The following TMEM165 variants were observed in gnomAD, a reference collection of about 807,000 sequenced individuals.
The protein encoded by TMEM165 is putative divalent cation/proton antiporter TMEM165.
TMEM165 carries 19 observed loss-of-function variants against 30.0 expected under a neutral mutation model. The observed-to-expected ratio is 0.63, with a 90% CI of 0.44 to 0.93. The LOEUF (loss-of-function observed/expected upper bound fraction) is 0.93. Among genes scored for constraint, TMEM165 ranks in the 40% least tolerant of loss-of-function variants. The pLI is 0.00. For synonymous variants in TMEM165, 168 were observed against 162.9 expected, an observed-to-expected ratio of 1.03 and a Z score of -0.24; for missense variants, 340 against 417.0, an observed-to-expected ratio of 0.82 and a Z score of 1.61.
In TMEM165 at chr4:55,397,186, C is replaced by G. The variant is rs1157260612; in HGVS notation, c.207+790C>G. 2.6e-5 allele frequency: 4 copies of G among 152,200 alleles called. No homozygotes were observed. In the East Asian group the frequency reaches 7.7e-4, roughly 29 times the overall value. The allele number at this position is 152,200 out of a possible 1,614,324, so 9.4% of individuals were successfully genotyped here. A position where few individuals can be genotyped will look rare whatever the true frequency, so the allele number is the denominator to read the frequency against. On this transcript the variant is annotated intron_variant, in intron 1 of 5. Transcript: ENST00000381334. ...CCGGCCAGTGTGGCACTCAAACCCC[C>G]ACTCCCACCCAGGCCACATCCAGCC...
At chr4:55,410,902 G>A (rs1489286297) in intron 1 of TMEM165, among the ~76,000 whole-genome samples, 1 of 152,160 alleles carries the variant, frequency 6.6e-6, no homozygotes, top group Non-Finnish European at 1.5e-5. Flanking sequence ...GGAGGCTGAG[G>A]TGGGTGGATC....
chr4:55,400,314 AAT>A (rs1491566558), intron 1 of TMEM165, among the ~76,000 whole-genome samples: 9 of 44,336 alleles, frequency 2.0e-4, no homozygotes, highest in Non-Finnish European at 2.2e-4. Context: ...ATATAATATT[AAT>A]ACTGTATTAT....
chr4:55,439,293 A>C (rs989392343), intron 3 of TMEM165, among the ~76,000 whole-genome samples: 2 of 152,206 alleles, frequency 1.3e-5, no homozygotes. Flanking sequence ...AGGGAAATAC[A>C]AATCAAAACC....
chr4:55,411,134 CAA>C (rs575523700), intron 1 of TMEM165, among the ~76,000 whole-genome samples: 43 of 65,822 alleles, frequency 6.5e-4, no homozygotes, highest in Admixed American at 1.0e-3. Flanking sequence ...GATTTTGTCT[CAA>C]AAAAAAAAAA....
At chr4:55,422,484 C>G (rs1021304464) in intron 4 of TMEM165, among the ~76,000 whole-genome samples, 8 of 152,064 alleles carry the variant, frequency 5.3e-5, no homozygotes, top group African/African-American at 1.7e-4. Context: ...TCTCAAACTC[C>G]CAACCTCAGG....
chr4:55,402,905 C>T (rs1001515681), intron 1 of TMEM165, among the ~76,000 whole-genome samples: 4 of 147,800 alleles, frequency 2.7e-5, no homozygotes, highest in African/African-American at 5.0e-5. Flanking sequence ...CATTCTCCTG[C>T]GTCAGCCTCC....
At chr4:55,417,506 A>G (rs1259321392) in intron 3 of TMEM165, among the ~76,000 whole-genome samples, 1 of 152,180 alleles carries the variant, frequency 6.6e-6, no homozygotes, top group Non-Finnish European at 1.5e-5. Flanking sequence ...GCTCCTGAAA[A>G]GCAGGAACTG....
intron 1 of TMEM165, among the ~76,000 whole-genome samples, chr4:55,410,581 A>T (rs968394504): frequency 6.6e-6 from 1 of 152,142 alleles, no homozygotes; most frequent in African/African-American, 2.4e-5. Flanking sequence ...TTTACCTTCT[A>T]AGATATTTTT....
chr4:55,398,777 A>G (rs1720833328), intron 1 of TMEM165: 1 of 151,214 alleles, frequency 6.6e-6, no homozygotes, highest in Non-Finnish European at 1.5e-5. Flanking sequence ...TTATTAACTA[A>G]TTTTCTAAGA....
intron 1 of TMEM165, among the ~76,000 whole-genome samples, chr4:55,405,802 A>T (rs532854288): frequency 1.3e-5 from 2 of 152,244 alleles, no homozygotes; most frequent in East Asian, 3.9e-4. Context: ...CAGTGCCTTG[A>T]TGGTGTTTAT....
Position 55,417,137 on chromosome 4 carries a change from T to G in TMEM165, c.499T>G (p.Phe167Val). The G allele has an allele frequency of 6.2e-7, 1 of 1,614,152 alleles. No homozygotes were observed. Among genetic ancestry groups the G allele is most frequent in the Non-Finnish European group, 8.5e-7 (1 of 1,180,022 alleles). ...TACATACTATGTTTCAACTGTATTA[T>G]TTGCCATTTTTGGCATTAGAATGCT... Reference protein sequence around the residue: ...VYTYYVSTVLFAIFGIRMLRE... With the variant: ...VYTYYVSTVLVAIFGIRMLRE... The change falls in exon 3 of 6, where the codon TTT (phenylalanine) becomes GTT (valine). Residue 167 changes from phenylalanine to valine, a missense_variant. Coordinates refer to ENST00000381334, the MANE Select transcript of TMEM165 (RefSeq NM_018475.5).
chr4:55,435,793 G>A (rs955970715), intron 3 of TMEM165, among the ~76,000 whole-genome samples: 2 of 152,194 alleles, frequency 1.3e-5, no homozygotes, highest in Non-Finnish European at 2.9e-5. Context: ...GTATGAGAGA[G>A]TTTCATTTTT....
At chr4:55,443,475 C>CA (rs36064611) in intron 3 of TMEM165, among the ~76,000 whole-genome samples, 30,038 of 119,710 alleles carry the variant, frequency 0.25, 3,579 homozygotes, top group South Asian at 0.38. Flanking sequence ...AACTCCGTCT[C>CA]AAAAAAAAAA....
At chr4:55,447,876 A>C (rs1723998840) in intron 3 of TMEM165, among the ~76,000 whole-genome samples, 1 of 152,238 alleles carries the variant, frequency 6.6e-6, no homozygotes, top group Admixed American at 6.5e-5. Context: ...AGTTGAAGAA[A>C]AATACTACTT....
intron 3 of TMEM165, among the ~76,000 whole-genome samples, chr4:55,441,778 CTCAGGTGA>C (rs1211818380): frequency 6.6e-6 from 1 of 152,148 alleles, no homozygotes; most frequent in Non-Finnish European, 1.5e-5. Context: ...ATGTGCACTA[CTCAGGTGA>C]TCAGTGCACT....
At chr4:55,416,388 A>G (rs985462073) in intron 2 of TMEM165, among the ~76,000 whole-genome samples, 4 of 152,198 alleles carry the variant, frequency 2.6e-5, no homozygotes, top group African/African-American at 9.7e-5. Flanking sequence ...GTGTTTCACC[A>G]TTAGGATTTG....
At chr4:55,450,026 T>C in intron 3 of TMEM165, 5 of 1,560,824 alleles carry the variant, frequency 3.2e-6, no homozygotes, top group East Asian at 4.5e-5. Flanking sequence ...GAAATGCTGA[T>C]ATAAGTAACT....
At chr4:55,430,996 G>A (rs1722463068), downstream of TMEM165, 1 of 152,158 alleles carries the variant, frequency 6.6e-6, no homozygotes, top group Non-Finnish European at 1.5e-5. Flanking sequence ...ACATTTCTCA[G>A]AAATGTGTCA....
intron 1 of TMEM165, chr4:55,403,443 A>G: frequency 2.5e-6 from 1 of 408,090 alleles, no homozygotes; most frequent in Non-Finnish European, 3.5e-6. Context: ...CCTTCTCTTG[A>G]GGATCATGAA....
Sources: gnomAD v4.1 joint callset for allele counts (sites outside exome capture counted in the v4.1 genomes callset) on GRCh38, gnomAD v4.1.1 for gene constraint, MANE v1.5 for transcripts, NCBI Gene and HGNC (gene_info 2026-07-23, HGNC 2026-07-21) for gene names.